Variants in CAAP1 observed in about 807,000 individuals in gnomAD.
CAAP1 encodes the protein caspase activity and apoptosis inhibitor 1.
CAAP1 carries 20 observed loss-of-function variants against 34.0 expected under a neutral mutation model. The ratio of observed to expected loss-of-function variants is 0.59; its 90% CI spans 0.41 to 0.86. The LOEUF is 0.86. Among genes scored for constraint, CAAP1 ranks in the 40% least tolerant of loss-of-function variants. The probability of loss-of-function intolerance (pLI) is 0.00; values close to 1 mark genes in which losing one functional copy is unlikely to be tolerated. For missense variants in CAAP1, 538 were observed against 450.5 expected (o/e 1.19, Z -1.76); for synonymous variants, 213 against 166.7 (o/e 1.28, Z -2.14).
intron 1 of CAAP1, among the ~76,000 whole-genome samples, chr9:26,891,094 T>C (rs1430421286): frequency 6.6e-6 from 1 of 152,192 alleles, no homozygotes; most frequent in Non-Finnish European, 1.5e-5. Flanking sequence ...TTACATTATC[T>C]GACTAAAGGA....
intron 4 of CAAP1, among the ~76,000 whole-genome samples, chr9:26,861,573 G>A (rs982209586): frequency 6.6e-6 from 1 of 152,000 alleles, no homozygotes; most frequent in African/African-American, 2.4e-5. Context: ...ACAGTATGTG[G>A]AAAATACATA....
intron 1 of CAAP1, among the ~76,000 whole-genome samples, chr9:26,890,293 C>A (rs1219592821): frequency 6.6e-6 from 1 of 151,784 alleles, no homozygotes; most frequent in Non-Finnish European, 1.5e-5. Flanking sequence ...ATTACTTGAA[C>A]CTGGCAGGCG....
At chr9:26,853,923 G>T (rs1277746403) in intron 5 of CAAP1, among the ~76,000 whole-genome samples, 1 of 152,114 alleles carries the variant, frequency 6.6e-6, no homozygotes, top group African/African-American at 2.4e-5. Context: ...CTAGTGCCTA[G>T]AACAAAACAG....
chr9:26,854,276 C>T (rs1283865932), intron 5 of CAAP1, among the ~76,000 whole-genome samples: 1 of 152,196 alleles, frequency 6.6e-6, no homozygotes, highest in Non-Finnish European at 1.5e-5. Flanking sequence ...TTCATATTTA[C>T]TATCCTCATT....
At chr9:26,886,083 T>C in intron 3 of CAAP1, 21 bp downstream of exon 3, 1 of 1,303,734 alleles carries the variant, frequency 7.7e-7, no homozygotes. Flanking sequence ...GTTGCCAGAA[T>C]GTAAAAATAT....
At chr9:26,865,521 T>C (rs1587106589) in intron 4 of CAAP1, among the ~76,000 whole-genome samples, 1 of 141,212 alleles carries the variant, frequency 7.1e-6, no homozygotes, top group South Asian at 2.4e-4. Context: ...AGAAACTATG[T>C]CTCAAAAAAA....
At chr9:26,883,880 T>C (rs541365914) in intron 4 of CAAP1, among the ~76,000 whole-genome samples, 13 of 152,270 alleles carry the variant, frequency 8.5e-5, no homozygotes, top group South Asian at 4.1e-4. Flanking sequence ...GGAACGCCAA[T>C]AGTAAGACAT....
chr9:26,844,601 A>G lies in CAAP1; in HGVS notation c.740-1954T>C, dbSNP rs1175228509. ...TAATGAGGGGGTGGAGAAGAGGTAA[A>G]CGGTAGTTGATTCAGAGGCTTGATC... On this transcript the variant is annotated intron_variant, in intron 5 of 5. Coordinates refer to ENST00000333916, the MANE Select transcript of CAAP1 (RefSeq NM_024828.4). Among the ~76,000 whole-genome samples, 6 of 152,294 alleles carry G rather than the reference A, an allele frequency of 3.9e-5. No individual in the cohort carries two copies. The East Asian group carries it at 7.7e-4, about 20-fold the overall frequency.
intron 5 of CAAP1, among the ~76,000 whole-genome samples, chr9:26,856,016 C>T (rs1822861482): frequency 6.6e-6 from 1 of 152,106 alleles, no homozygotes; most frequent in Admixed American, 6.6e-5. Flanking sequence ...GCAATCATGG[C>T]TCACTGCAGC....
intron 4 of CAAP1, among the ~76,000 whole-genome samples, chr9:26,883,012 G>A (rs1823635240): frequency 6.6e-6 from 1 of 152,176 alleles, no homozygotes; most frequent in Non-Finnish European, 1.5e-5. Context: ...TATCTAGGAA[G>A]TAACTAACTT....
chr9:26,874,143 C>A (rs1044157533), intron 4 of CAAP1, among the ~76,000 whole-genome samples: 8 of 134,294 alleles, frequency 6.0e-5, no homozygotes, highest in African/African-American at 1.7e-4. Flanking sequence ...GGAGGTGGAA[C>A]TTGCAGTGAG....
rs920457291 is a variant in CAAP1, at chr9:26,842,598, G to A, written c.789C>T (p.Asp263=). 6.2e-7 allele frequency: 1 copy of A among 1,614,066 alleles called. No homozygotes were observed. The highest frequency in any genetic ancestry group is 8.5e-7 in the Non-Finnish European group (1 of 1,180,018). The part of the protein sequence containing the change: ...DVLSINADAY[D]SDIEGPCNEE... ...CGTTGCATGGGCCTTCTATGTCGCT[G>A]TCATAAGCATCTGCATTTATACTGA... The change falls in exon 6 of 6, where the codon GAC becomes GAT. Residue 263 remains aspartate, a synonymous_variant. Coordinates refer to ENST00000333916, the MANE Select transcript of CAAP1 (RefSeq NM_024828.4).
At chr9:26,856,754 A>G (rs62544402) in intron 5 of CAAP1, among the ~76,000 whole-genome samples, 1 of 152,214 alleles carries the variant, frequency 6.6e-6, no homozygotes, top group African/African-American at 2.4e-5. Context: ...AAAAAAATCT[A>G]ATCACGCTTC....
chr9:26,871,640 CA>C (rs1408267669), intron 4 of CAAP1, among the ~76,000 whole-genome samples: 1 of 150,508 alleles, frequency 6.6e-6, no homozygotes, highest in African/African-American at 2.5e-5. Flanking sequence ...AAAAGTAATG[CA>C]GTCCAGGCAT....
chr9:26,887,827 G>C (rs899532554), intron 1 of CAAP1, among the ~76,000 whole-genome samples: 1 of 151,972 alleles, frequency 6.6e-6, no homozygotes, highest in African/African-American at 2.4e-5. Context: ...TCCCCTAAAA[G>C]GCCATTCACC....
Position 26,855,078 on chromosome 9 carries a change from T to G in CAAP1, c.739+5988A>C, listed in dbSNP as rs141347146. On this transcript the variant is annotated intron_variant, in intron 5 of 5. Coordinates refer to ENST00000333916, the MANE Select transcript of CAAP1 (RefSeq NM_024828.4). ...TATTTTATCCATAATTGCCAAAACT[T>G]GGAAGCATCCAAGATGTTATGGGTG... Among the ~76,000 whole-genome samples, 150 of 152,342 alleles carry G rather than the reference T, an allele frequency of 9.8e-4. 3 individuals are homozygous for G. In the South Asian group the frequency reaches 0.025, roughly 25 times the overall value.
At chr9:26,885,074 CT>C (rs397893644) in intron 3 of CAAP1, among the ~76,000 whole-genome samples, 189 bp from the exon 4 acceptor site, 5,587 of 116,832 alleles carry the variant, frequency 0.048, 125 homozygotes, top group African/African-American at 0.1. Context: ...TTTCTCATTG[CT>C]TTTTTTTTTT....
intron 5 of CAAP1, among the ~76,000 whole-genome samples, chr9:26,848,286 G>C (rs980370953): frequency 6.6e-6 from 1 of 152,146 alleles, no homozygotes; most frequent in Non-Finnish European, 1.5e-5. Flanking sequence ...GGCCAAGATG[G>C]GCGGATCATG....
At chr9:26,842,946 A>G (rs1822514702) in intron 5 of CAAP1, among the ~76,000 whole-genome samples, 1 of 152,216 alleles carries the variant, frequency 6.6e-6, no homozygotes, top group Non-Finnish European at 1.5e-5. Context: ...ATGTCATAAC[A>G]TTTTTATCAC....
Sources: gnomAD v4.1 joint callset for allele counts (sites outside exome capture counted in the v4.1 genomes callset) on GRCh38, gnomAD v4.1.1 for gene constraint, MANE v1.5 for transcripts, NCBI Gene and HGNC (gene_info 2026-07-23, HGNC 2026-07-21) for gene names.